The following NUTF2 variants were observed in gnomAD, a reference collection of about 807,000 sequenced individuals.
NUTF2 encodes the protein nuclear transport factor 2, also known as placental protein 15.
A neutral mutation model predicts 18.5 loss-of-function variants in NUTF2; 3 were observed. The observed-to-expected ratio is 0.16, with a 90% CI of 0.07 to 0.42. NUTF2 has a LOEUF of 0.42. Ranked by LOEUF, NUTF2 falls within the 10% of genes least tolerant of loss-of-function variation. The probability of loss-of-function intolerance (pLI) is 0.99; values close to 1 mark genes in which losing one functional copy is unlikely to be tolerated. For missense variants in NUTF2, 44 were observed against 160.7 expected (o/e 0.27, Z 3.93); for synonymous variants, 51 against 57.9 (o/e 0.88, Z 0.54).
chr16:67,849,440 C>CA, intron 1 of NUTF2, among the ~76,000 whole-genome samples: 1 of 151,734 alleles, frequency 6.6e-6, no homozygotes, highest in African/African-American at 2.4e-5. Context: ...CTCCTGGGTT[C>CA]AAACGATTCT....
Position 67,847,757 on chromosome 16 carries a change from A to C in NUTF2, c.-30+772A>C, listed in dbSNP as rs2057817258. On this transcript the variant is annotated intron_variant, in intron 1 of 4. Coordinates refer to ENST00000219169, the MANE Select transcript of NUTF2 (RefSeq NM_005796.3). ...CAGCCCACGCCCTTCTCTATCAGTG[A>C]CCAGGCCCCAGCAGCAACACAGAAT... 2.0e-5 allele frequency: 3 copies of C among 152,670 alleles called. No individual in the cohort carries two copies. The East Asian group carries it at 5.8e-4, about 29-fold the overall frequency. The allele number at this position is 152,670 out of a possible 1,614,324, so 9.5% of individuals were successfully genotyped here.
At chr16:67,856,924 A>C (rs1271352138) in intron 1 of NUTF2, among the ~76,000 whole-genome samples, 3 of 152,228 alleles carry the variant, frequency 2.0e-5, no homozygotes, top group Non-Finnish European at 2.9e-5. Context: ...TAAAGTGAAG[A>C]TAATCATACC....
intron 2 of NUTF2, among the ~76,000 whole-genome samples, chr16:67,866,218 C>G (rs926225450): frequency 1.1e-4 from 17 of 152,026 alleles, no homozygotes; most frequent in African/African-American, 4.1e-4. Context: ...AGTCAGTGTC[C>G]ATTCAGAAAT....
intron 1 of NUTF2, among the ~76,000 whole-genome samples, chr16:67,864,033 C>T (rs1769691218): frequency 6.6e-6 from 1 of 152,154 alleles, no homozygotes; most frequent in African/African-American, 2.4e-5. Context: ...GCCTCCATCC[C>T]CTCTTCCCAC....
chr16:67,868,216 T>C (rs544303199), intron 2 of NUTF2, 124 bp from the exon 3 acceptor site: 74 of 774,948 alleles, frequency 9.5e-5, no homozygotes, highest in Non-Finnish European at 1.4e-4. Flanking sequence ...TCTCCTTCTT[T>C]AGACAGGGAA....
chr16:67,865,700 G>A (rs2057965924), intron 2 of NUTF2, among the ~76,000 whole-genome samples: 1 of 151,746 alleles, frequency 6.6e-6, no homozygotes, highest in Non-Finnish European at 1.5e-5. Flanking sequence ...ACCCTTCTAT[G>A]CAGGCATTGC....
intron 2 of NUTF2, 94 bp downstream of exon 2, chr16:67,865,323 C>A (rs2057963159): frequency 1.2e-6 from 1 of 842,116 alleles, no homozygotes; most frequent in South Asian, 1.5e-5. Context: ...GCAGCCCTAT[C>A]TGGACTGGCT....
At chr16:67,866,993 A>G (rs1337465666) in intron 2 of NUTF2, among the ~76,000 whole-genome samples, 1 of 146,268 alleles carries the variant, frequency 6.8e-6, no homozygotes. Flanking sequence ...TTTTTTTGAG[A>G]TGGAGTCTCA....
chr16:67,865,284 G>A (rs2057962795), intron 2 of NUTF2, 55 bp downstream of exon 2: 9 of 1,253,116 alleles, frequency 7.2e-6, no homozygotes, highest in South Asian at 1.2e-5. Context: ...TTTGGATGTT[G>A]GGCCAGTGTG....
chr16:67,853,372 T>A (rs763894206), intron 1 of NUTF2, among the ~76,000 whole-genome samples: 1 of 152,104 alleles, frequency 6.6e-6, no homozygotes, highest in Non-Finnish European at 1.5e-5. Context: ...TTATTATTAT[T>A]TCTGAGACGG....
At chr16:67,858,548 C>T (rs909390799) in intron 1 of NUTF2, among the ~76,000 whole-genome samples, 8 of 152,034 alleles carry the variant, frequency 5.3e-5, no homozygotes, top group East Asian at 3.8e-4. Flanking sequence ...ATGTGACACA[C>T]GAAGATCTAG....
intron 4 of NUTF2, 74 bp downstream of exon 4, chr16:67,868,673 G>T: frequency 7.4e-7 from 1 of 1,344,984 alleles, no homozygotes; most frequent in South Asian, 1.2e-5. Flanking sequence ...TTTCCCTGTG[G>T]ATGTGACCTG....
At chr16:67,852,898 C>T (rs1414129306) in intron 1 of NUTF2, among the ~76,000 whole-genome samples, 4 of 151,930 alleles carry the variant, frequency 2.6e-5, no homozygotes, top group Admixed American at 6.6e-5. Flanking sequence ...AGGCTGGTCT[C>T]GAACTCCCGA....
chr16:67,859,650 G>A (rs1027982731), intron 1 of NUTF2, among the ~76,000 whole-genome samples: 23 of 152,052 alleles, frequency 1.5e-4, no homozygotes, highest in African/African-American at 4.1e-4. Context: ...GAGCCACCGC[G>A]CCTGACCTGA....
At chr16:67,851,775 G>A (rs915954318) in intron 1 of NUTF2, among the ~76,000 whole-genome samples, 1 of 152,116 alleles carries the variant, frequency 6.6e-6, no homozygotes, top group Non-Finnish European at 1.5e-5. Flanking sequence ...CAGCACTTTG[G>A]GAGGCTGAGG....
chr16:67,856,171 G>T, intron 1 of NUTF2: 1 of 350,456 alleles, frequency 2.9e-6, no homozygotes, highest in Non-Finnish European at 5.3e-6. Flanking sequence ...GCTCTCAGCT[G>T]TTTGCATCTC....
intron 1 of NUTF2, chr16:67,847,602 C>T (rs2057815650): frequency 6.6e-6 from 1 of 152,442 alleles, no homozygotes; most frequent in African/African-American, 2.4e-5. Flanking sequence ...GGAGCCCGGA[C>T]TGGAGTTCTC....
At chr16:67,859,939 A>G (rs2057924158) in intron 1 of NUTF2, among the ~76,000 whole-genome samples, 1 of 149,550 alleles carries the variant, frequency 6.7e-6, no homozygotes, top group Non-Finnish European at 1.5e-5. Context: ...GGTAGCTGGG[A>G]TTACAGGTGT....
chr16:67,870,841 A>G lies in NUTF2; in HGVS notation c.312A>G (p.Leu104=). ...TCATGGGGTTCCACCAGATGTTCCTATTAAAGAACATCAACGATGCTTGGG... is the reference window on the plus strand; with the variant it reads ...TCATGGGGTTCCACCAGATGTTCCTGTTAAAGAACATCAACGATGCTTGGG... ...DPIMGFHQMF[L]LKNINDAWVC... is the part of the protein sequence containing the mutation. The change falls in exon 5 of 5, where the codon CTA becomes CTG. Residue 104 remains leucine, a synonymous_variant. Transcript: ENST00000219169. 1.2e-6 allele frequency: 2 copies of G among 1,613,846 alleles called. No individual in the cohort carries two copies. The highest frequency in any genetic ancestry group is 1.7e-4 in the Middle Eastern group (1 of 6,056).
Sources: allele counts gnomAD v4.1 joint callset (sites outside exome capture counted in the v4.1 genomes callset), GRCh38; gene constraint gnomAD v4.1.1; transcripts MANE v1.5; gene names NCBI Gene and HGNC (gene_info 2026-07-23, HGNC 2026-07-21).